Variants in FAM135B observed in about 807,000 individuals in gnomAD.
FAM135B encodes family with sequence similarity 135 member B, also known as protein FAM135B.
In FAM135B, 43 loss-of-function variants were observed where a neutral mutation model predicts 127.7. The ratio of observed to expected loss-of-function variants is 0.34; its 90% CI spans 0.26 to 0.43. FAM135B has a LOEUF of 0.43. FAM135B is among the 20% of genes least tolerant of loss of function. The pLI, the probability that FAM135B is intolerant of heterozygous loss-of-function variation, is 1.00. For missense variants in FAM135B, 1,558 were observed against 1,725.6 expected, an observed-to-expected ratio of 0.90 and a Z score of 1.72; for synonymous variants, 670 against 665.1, an observed-to-expected ratio of 1.01 and a Z score of -0.11.
At chr8:138,251,148 T>C in intron 5 of FAM135B, 134 bp from the exon 6 acceptor site, 1 of 1,035,912 alleles carries the variant, frequency 9.7e-7, no homozygotes, top group South Asian at 1.6e-5. Context: ...GCAAATGCTC[T>C]GCCTGGTAGA....
intron 1 of FAM135B, among the ~76,000 whole-genome samples, chr8:138,390,999 G>A (rs770330027): frequency 1.6e-4 from 24 of 152,224 alleles, no homozygotes; most frequent in East Asian, 5.8e-4. Context: ...AGGATGAATC[G>A]TCCAGGAAGC....
At chr8:138,365,740 C>T (rs147043832) in intron 2 of FAM135B, among the ~76,000 whole-genome samples, 19 of 152,184 alleles carry the variant, frequency 1.2e-4, no homozygotes, top group South Asian at 8.3e-4. Context: ...TCATAACCAA[C>T]GATATGAGGC....
chr8:138,439,193 G>A (rs899278236), intron 1 of FAM135B: 2 of 152,118 alleles, frequency 1.3e-5, no homozygotes, highest in East Asian at 1.9e-4. Flanking sequence ...AATCTTTGAG[G>A]AGGCTCCAGT....
chr8:138,303,407 G>A (rs531879244), intron 3 of FAM135B, among the ~76,000 whole-genome samples: 2 of 152,058 alleles, frequency 1.3e-5, no homozygotes, highest in Non-Finnish European at 2.9e-5. Context: ...GACACAGGGA[G>A]GGGAGCATCA....
intron 7 of FAM135B, among the ~76,000 whole-genome samples, chr8:138,201,732 C>T (rs569828214): frequency 1.4e-4 from 21 of 152,182 alleles, no homozygotes; most frequent in South Asian, 2.1e-4. Context: ...AATAATAAAA[C>T]GAGAATCAAG....
intron 2 of FAM135B, among the ~76,000 whole-genome samples, chr8:138,362,921 G>A (rs1830519778): frequency 6.6e-6 from 1 of 152,166 alleles, no homozygotes; most frequent in Admixed American, 6.5e-5. Context: ...ATGAGTAGAT[G>A]ACCAAATAAA....
chr8:138,448,792 GAA>G (rs558114908), intron 1 of FAM135B, among the ~76,000 whole-genome samples: 3 of 136,630 alleles, frequency 2.2e-5, no homozygotes, highest in Admixed American at 7.4e-5. Flanking sequence ...AACACAGGGG[GAA>G]AAAAAAAAAA....
intron 1 of FAM135B, among the ~76,000 whole-genome samples, chr8:138,406,198 G>A (rs564593574): frequency 6.6e-6 from 1 of 151,874 alleles, no homozygotes; most frequent in Non-Finnish European, 1.5e-5. Context: ...TTCTTTTGCT[G>A]TGCAGAAGCT....
In FAM135B at chr8:138,243,199, G is replaced by A; in HGVS notation, c.543-131C>T. ...CATTTAGGAGTAGTTCACCCCCTAGGGAGTGTTTGCATGTGACATTTGTGG... is the reference window on the plus strand; with the variant it reads ...CATTTAGGAGTAGTTCACCCCCTAGAGAGTGTTTGCATGTGACATTTGTGG... On this transcript the variant is annotated intron_variant, in intron 6 of 19. Coordinates refer to ENST00000395297, the MANE Select transcript of FAM135B (RefSeq NM_015912.4). The surrounding 1 kb of genome is among the most constrained non-coding windows in gnomAD (Gnocchi z 7.5). 2.8e-6 allele frequency: 3 copies of A among 1,053,748 alleles called. No individual in the cohort carries two copies. Among genetic ancestry groups the A allele is most frequent in the South Asian group, 1.9e-5 (1 of 53,176 alleles). 65.3% of individuals were successfully genotyped at this position (1,053,748 alleles called of 1,614,324 possible). A position where few individuals can be genotyped will look rare whatever the true frequency, so the allele number is the denominator to read the frequency against.
Position 138,242,268 on chromosome 8 carries a change from G to A in FAM135B, c.669+674C>T, listed in dbSNP as rs1820865124. 6.7e-6 allele frequency among the ~76,000 whole-genome samples: 1 copy of A among 150,310 alleles called. No homozygotes were observed. The highest frequency in any genetic ancestry group is 1.5e-5 in the Non-Finnish European group (1 of 67,778). On this transcript the variant is annotated intron_variant, in intron 7 of 19. Transcript: ENST00000395297. The surrounding 1 kb of genome is among the most constrained non-coding windows in gnomAD (Gnocchi z 9.6). ...TCTCTGGAGAACCCTGAATAATACA[G>A]GCTGTTTATTTATGAGTAGGCCACT...
At chr8:138,157,916 A>G (rs1057361082) in intron 12 of FAM135B, among the ~76,000 whole-genome samples, 4 of 152,202 alleles carry the variant, frequency 2.6e-5, no homozygotes, top group Non-Finnish European at 4.4e-5. Context: ...TCAAGCTACC[A>G]ATGACTTTCT....
At chr8:138,375,169 C>A (rs375238983) in intron 1 of FAM135B, among the ~76,000 whole-genome samples, 1 of 152,194 alleles carries the variant, frequency 6.6e-6, no homozygotes, top group African/African-American at 2.4e-5. Flanking sequence ...ATAGCTGAGC[C>A]AGGGACTAGC....
intron 1 of FAM135B, among the ~76,000 whole-genome samples, chr8:138,455,666 T>C (rs768425826): frequency 6.6e-6 from 1 of 152,158 alleles, no homozygotes; most frequent in Non-Finnish European, 1.5e-5. Flanking sequence ...CTGTTCTTTC[T>C]TGTCTAGCAT....
intron 1 of FAM135B, among the ~76,000 whole-genome samples, chr8:138,488,452 G>A (rs1414316760): frequency 1.3e-5 from 2 of 151,638 alleles, no homozygotes; most frequent in East Asian, 3.9e-4. Context: ...CAAGCTTGGT[G>A]GCTAGAGACT....
chr8:138,208,329 C>T (rs1817866437), intron 7 of FAM135B, among the ~76,000 whole-genome samples: 2 of 152,070 alleles, frequency 1.3e-5, no homozygotes, highest in African/African-American at 4.8e-5. Context: ...AAATGAATAC[C>T]TCTGGAAGTC....
chr8:138,302,096 G>C (rs939042474), intron 3 of FAM135B, among the ~76,000 whole-genome samples: 1 of 151,846 alleles, frequency 6.6e-6, no homozygotes, highest in Non-Finnish European at 1.5e-5. Context: ...TTTTCAGTGT[G>C]ACATTTTTAA....
At chr8:138,424,970 A>G (rs572859071) in intron 1 of FAM135B, among the ~76,000 whole-genome samples, 1 of 152,272 alleles carries the variant, frequency 6.6e-6, no homozygotes, top group Admixed American at 6.5e-5. Flanking sequence ...TAGCCTTTGT[A>G]AGGCTCAATG....
chr8:138,422,600 A>T (rs967962434), intron 1 of FAM135B, among the ~76,000 whole-genome samples: 4 of 152,184 alleles, frequency 2.6e-5, no homozygotes, highest in African/African-American at 9.6e-5. Flanking sequence ...TACAATTAAA[A>T]AGTCAAAAAA....
chr8:138,219,005 G>A (rs1818810681), intron 7 of FAM135B, among the ~76,000 whole-genome samples: 1 of 152,192 alleles, frequency 6.6e-6, no homozygotes, highest in African/African-American at 2.4e-5. Context: ...TGCAGGTGAT[G>A]ATAAATATCA....
Sources: gnomAD v4.1 joint callset for allele counts (sites outside exome capture counted in the v4.1 genomes callset) on GRCh38, gnomAD v4.1.1 for gene constraint, Gnocchi (gnomAD v3.1) non-coding constraint, MANE v1.5 for transcripts, NCBI Gene and HGNC (gene_info 2026-07-23, HGNC 2026-07-21) for gene names.